DNHD1: variants seen among roughly 807,000 people sequenced by gnomAD.
DNHD1 encodes the protein dynein heavy chain domain 1.
A neutral mutation model predicts 458.1 loss-of-function variants in DNHD1; 383 were observed. The ratio of observed to expected loss-of-function variants is 0.84; its 90% CI spans 0.77 to 0.91. The LOEUF is 0.91. Among genes scored for constraint, DNHD1 ranks in the 40% least tolerant of loss-of-function variants. DNHD1 has a pLI of 0.00. For synonymous variants in DNHD1, 2,203 were observed against 2,376.9 expected (o/e 0.93, Z 2.13); for missense variants, 5,336 against 5,866.1 (o/e 0.91, Z 2.95).
At chr11:6,501,209 G>A (rs7126285) in intron 3 of DNHD1, among the ~76,000 whole-genome samples, 1 of 151,454 alleles carries the variant, frequency 6.6e-6, no homozygotes, top group South Asian at 2.1e-4. Context: ...AGTGGAAATC[G>A]CATTTTACGA....
chr11:6,510,157 C>T (rs991510273), intron 6 of DNHD1, among the ~76,000 whole-genome samples: 1 of 151,966 alleles, frequency 6.6e-6, no homozygotes, highest in Non-Finnish European at 1.5e-5. Context: ...GATTTCGGCT[C>T]ACTGCAACCT....
In DNHD1 at chr11:6,528,551, G is replaced by A. The variant is rs375986794; in HGVS notation, c.1867G>A (p.Glu623Lys). 3.8e-5 allele frequency: 59 copies of A among 1,550,664 alleles called. 1 individual carries two copies. The East Asian group carries it at 5.4e-4, about 14-fold the overall frequency. The change falls in exon 11 of 43, where the codon GAA (glutamate) becomes AAA (lysine). Residue 623 changes from glutamate (E) to lysine (K), a missense_variant. Around this residue, in one of 4 missense-constraint regions of DNHD1, gnomAD observed 3,932 missense variants for 4,365.6 expected, o/e 0.90. Transcript: ENST00000254579. The stretch of plus-strand genomic sequence containing the variant: ...AGATGAAGAGGAGGACTCAAAAGAC[G>A]AATTTCTGATGCCCAAGTTCCAGGG... Reference protein sequence around the residue: ...EEDEEEDSKDEFLMPKFQGQP... With the variant: ...EEDEEEDSKDKFLMPKFQGQP...
intron 7 of DNHD1, among the ~76,000 whole-genome samples, chr11:6,513,625 T>G (rs557461458): frequency 4.6e-5 from 7 of 152,328 alleles, no homozygotes; most frequent in African/African-American, 1.4e-4. Flanking sequence ...TTGTGGACAT[T>G]TGGGTTGGTT....
chr11:6,522,510 A>G (rs1237415761), intron 10 of DNHD1, among the ~76,000 whole-genome samples: 3 of 152,178 alleles, frequency 2.0e-5, no homozygotes, highest in Non-Finnish European at 2.9e-5. Flanking sequence ...AAAAACAACT[A>G]TTGGGTACTA....
chr11:6,571,443 C>A lies in DNHD1; in HGVS notation c.13911+20C>A. ...TTCAGGGTATCTTCGCGCCGCCCCT[C>A]GTTCGCGGTTCCAGTCCCCTCGAAG... is the stretch of plus-strand genomic sequence containing the variant. On this transcript the variant is annotated intron_variant, in intron 42 of 42. Coordinates refer to ENST00000254579, the MANE Select transcript of DNHD1 (RefSeq NM_144666.3). The surrounding 1 kb of genome is among the most constrained non-coding windows in gnomAD (Gnocchi z 5.0). 6.4e-7 allele frequency: 1 copy of A among 1,555,870 alleles called. No individual in the cohort carries two copies. The highest frequency in any genetic ancestry group is 2.3e-5 in the East Asian group (1 of 42,952).
At chr11:6,559,863 T>C (rs1229410873) in intron 28 of DNHD1, among the ~76,000 whole-genome samples, 1 of 152,200 alleles carries the variant, frequency 6.6e-6, no homozygotes, top group Non-Finnish European at 1.5e-5. Context: ...TGACCAACTT[T>C]TCCTTTCCTC....
At position 6,505,283 on chromosome 11, in the gene DNHD1, G is replaced by T. The variant is rs946510409; in HGVS notation, c.920+2357G>T. 1.3e-5 allele frequency among the ~76,000 whole-genome samples: 2 copies of T among 151,948 alleles called. No homozygotes were observed. Among genetic ancestry groups the T allele is most frequent in the East Asian group, 3.9e-4 (2 of 5,172 alleles). ...TTTTTTTAAGATGGAGTCTCACTCT[G>T]TTGCCTAGGCTGGAGTGCCATGGCG... On this transcript the variant is annotated intron_variant, in intron 4 of 42. Coordinates refer to ENST00000254579, the MANE Select transcript of DNHD1 (RefSeq NM_144666.3). This position sits in a 1 kb window ranked among gnomAD's most constrained non-coding sequence, Gnocchi z 4.4.
chr11:6,528,521 G>A lies in DNHD1; in HGVS notation c.1838-1G>A, dbSNP rs899201476. 8.4e-6 allele frequency: 13 copies of A among 1,548,562 alleles called. No individual in the cohort carries two copies. The highest frequency in any genetic ancestry group is 8.2e-5 in the African/African-American group (6 of 73,086). ...GACAATTATGGCCTGTGCTCCACTA[G>A]AAGAAGATGAAGAGGAGGACTCAAA... On this transcript the variant is annotated splice_acceptor_variant, in intron 10 of 42. Coordinates refer to ENST00000254579, the MANE Select transcript of DNHD1 (RefSeq NM_144666.3). LOFTEE classifies it high-confidence loss of function.
At chr11:6,536,214 C>T (rs1230188420) in intron 14 of DNHD1, among the ~76,000 whole-genome samples, 1 of 152,044 alleles carries the variant, frequency 6.6e-6, no homozygotes, top group African/African-American at 2.4e-5. Context: ...TGGAAATGTT[C>T]CAGATTAAAA....
At chr11:6,520,203 C>T (rs754112651) in intron 9 of DNHD1, 35 bp from the exon 10 acceptor site, 58 of 1,577,528 alleles carry the variant, frequency 3.7e-5, no homozygotes, top group Non-Finnish European at 4.5e-5. Flanking sequence ...CATTGCTTTC[C>T]CATTTCTGCC....
Position 6,570,644 on chromosome 11 carries a change from G to C in DNHD1, c.13132G>C (p.Glu4378Gln). 2.5e-6 allele frequency: 4 copies of C among 1,610,250 alleles called. No homozygotes were observed. The highest frequency in any genetic ancestry group is 3.4e-6 in the Non-Finnish European group (4 of 1,178,054). The part of the protein sequence containing the change: ...PELRELDAMA[E>Q]CKAQMHLLPS... ...GCTAAGGGAGCTGGATGCAATGGCA[G>C]AGTGCAAGGCCCAGATGCACCTACT... is the stretch of plus-strand genomic sequence containing the variant. The change falls in exon 42 of 43, where the codon GAG becomes CAG. Residue 4378 changes from glutamate (E) to glutamine (Q), a missense_variant. Glu to Gln is a conservative substitution (Grantham distance 29, BLOSUM62 2). Coordinates refer to ENST00000254579, the MANE Select transcript of DNHD1 (RefSeq NM_144666.3).
At chr11:6,503,037 C>A in intron 4 of DNHD1, 111 bp downstream of exon 4, 8 of 1,193,852 alleles carry the variant, frequency 6.7e-6, no homozygotes, top group Non-Finnish European at 9.2e-6. Flanking sequence ...CCTTTCTCCA[C>A]ATACTCCTCC....
intron 18 of DNHD1, 46 bp from the exon 19 acceptor site, chr11:6,544,075 C>G (rs1159703893): frequency 7.7e-6 from 12 of 1,549,296 alleles, no homozygotes; most frequent in African/African-American, 1.4e-5. Context: ...CCCCCAGCCC[C>G]GGCCCTTGCC....
At chr11:6,550,326 C>T (rs1002288519) in intron 24 of DNHD1, among the ~76,000 whole-genome samples, 3 of 152,094 alleles carry the variant, frequency 2.0e-5, no homozygotes, top group East Asian at 1.9e-4. Context: ...ATTATTTGGT[C>T]TTTGCAATGA....
chr11:6,508,064 T>C (rs930211082), intron 4 of DNHD1: 1 of 152,190 alleles, frequency 6.6e-6, no homozygotes, highest in Non-Finnish European at 1.5e-5. Context: ...TAAAAATATA[T>C]GTAATGCTTA....
At position 6,511,382 on chromosome 11, in the gene DNHD1, C is replaced by T. The variant is rs746591414; in HGVS notation, c.1345C>T (p.Arg449Trp). Residue 449 changes from arginine (R) to tryptophan (W), a missense_variant, in exon 7 of 43, where the codon CGG becomes TGG. Transcript: ENST00000254579. ...AGCCGAGGAGAAGCATAAGGCTCTA[C>T]GGCTGCTCCATCGTTGCCTAAACCT... is the stretch of plus-strand genomic sequence containing the variant. ...ALAEEKHKAL[R>W]LLHRCLNLCT... 26 of 1,614,106 alleles carry T rather than the reference C, an allele frequency of 1.6e-5. No individual in the cohort carries two copies. The highest frequency in any genetic ancestry group is 6.7e-5 in the African/African-American group (5 of 74,944).
rs1853201250 is a variant in DNHD1, at chr11:6,545,813, C to T, written c.4874C>T (p.Thr1625Ile). 1.3e-6 allele frequency: 2 copies of T among 1,551,920 alleles called. No homozygotes were observed. Among genetic ancestry groups the T allele is most frequent in the Non-Finnish European group, 1.7e-6 (2 of 1,147,016 alleles). Residue 1625 changes from threonine to isoleucine, a missense_variant, in exon 21 of 43, where the codon ACT (threonine) becomes ATT (isoleucine). Around this residue, in one of 4 missense-constraint regions of DNHD1, gnomAD observed 3,932 missense variants for 4,365.6 expected, o/e 0.90. Transcript: ENST00000254579. This position sits in a 1 kb window ranked among gnomAD's most constrained non-coding sequence, Gnocchi z 4.9. ...IPKSPLQSLKTIASSEPSLSP... is the reference protein window; with the variant it reads ...IPKSPLQSLKIIASSEPSLSP... ...AAAAGCCCCCTACAGAGTCTTAAGA[C>T]TATTGCATCTTCTGAACCCTCTCTG... is the stretch of plus-strand genomic sequence containing the variant.
At chr11:6,570,578 G>C in intron 41 of DNHD1, 40 bp from the exon 42 acceptor site, 2 of 1,540,482 alleles carry the variant, frequency 1.3e-6, no homozygotes, top group East Asian at 4.7e-5. Flanking sequence ...AGGGTGGGGA[G>C]AGTCCATCTT....
intron 7 of DNHD1, among the ~76,000 whole-genome samples, chr11:6,514,131 T>C (rs1436582679): frequency 6.6e-6 from 1 of 151,962 alleles, no homozygotes; most frequent in Non-Finnish European, 1.5e-5. Flanking sequence ...CAGGTGTGAG[T>C]CTGGCTGTGT....
Sources: gnomAD v4.1 joint callset for allele counts (sites outside exome capture counted in the v4.1 genomes callset) on GRCh38, gnomAD v4.1.1 for gene constraint, gnomAD v4.1.1 regional missense constraint, Gnocchi (gnomAD v3.1) non-coding constraint, MANE v1.5 for transcripts, NCBI Gene and HGNC (gene_info 2026-07-23, HGNC 2026-07-21) for gene names.